SORCS1: variants seen among roughly 807,000 people sequenced by gnomAD.
SORCS1 encodes sortilin related VPS10 domain containing receptor 1.
SORCS1 carries 60 observed loss-of-function variants against 146.1 expected under a neutral mutation model. The ratio of observed to expected loss-of-function variants is 0.41; its 90% confidence interval spans 0.33 to 0.51. SORCS1 has a LOEUF of 0.51. SORCS1 is among the 20% of genes least tolerant of loss of function. The probability of loss-of-function intolerance (pLI) is 0.21; values close to 1 mark genes in which losing one functional copy is unlikely to be tolerated. For synonymous variants in SORCS1, 637 were observed against 584.0 expected, an observed-to-expected ratio of 1.09 and a Z score of -1.31; for missense variants, 1,352 against 1,487.6, an observed-to-expected ratio of 0.91 and a Z score of 1.50.
chr10:106,807,117 C>G (rs1296051510), intron 3 of SORCS1, among the ~76,000 whole-genome samples: 1 of 152,032 alleles, frequency 6.6e-6, no homozygotes, highest in East Asian at 1.9e-4. Flanking sequence ...TTAGCTTGTA[C>G]TGCAGTGTTG....
intron 2 of SORCS1, among the ~76,000 whole-genome samples, chr10:106,835,618 G>A (rs1185242394): frequency 6.6e-6 from 1 of 152,126 alleles, no homozygotes; most frequent in Non-Finnish European, 1.5e-5. Context: ...AGAGTTAATG[G>A]TAAGAACTGG....
chr10:106,765,612 T>C (rs918713441), intron 4 of SORCS1, among the ~76,000 whole-genome samples: 12 of 151,956 alleles, frequency 7.9e-5, no homozygotes, highest in Admixed American at 3.3e-4. Flanking sequence ...CAGGGCAAAA[T>C]AGCCTGGGGG....
chr10:106,710,836 C>A lies in SORCS1; in HGVS notation c.1025-1495G>T, dbSNP rs551495147. Among the ~76,000 whole-genome samples the A allele has an allele frequency of 5.3e-5, 8 of 152,242 alleles. No homozygotes were observed. In the South Asian group the frequency reaches 1.7e-3, roughly 32 times the overall value. On this transcript the variant is annotated intron_variant, in intron 6 of 25. Transcript: ENST00000263054. ...CCCTACTTTATGTTCAGGAAGTTGG[C>A]CAAACTTTCTACCACTTTAAAGACT...
chr10:107,059,403 AC>A (rs1209977154), intron 1 of SORCS1, among the ~76,000 whole-genome samples: 2 of 152,170 alleles, frequency 1.3e-5, no homozygotes, highest in Non-Finnish European at 2.9e-5. Flanking sequence ...CAAGATAAGG[AC>A]CTTGAAACAA....
At chr10:107,168,963 CT>C (rs1366123471), upstream of SORCS1, among the ~76,000 whole-genome samples, 5 of 151,984 alleles carry the variant, frequency 3.3e-5, no homozygotes, top group African/African-American at 1.2e-4. Context: ...CAAGTGTGCA[CT>C]TTTTTTAGGC....
chr10:106,731,296 A>G (rs1252033), intron 5 of SORCS1, among the ~76,000 whole-genome samples: 43,965 of 131,630 alleles, frequency 0.33, 2,940 homozygotes, highest in Admixed American at 0.47. Flanking sequence ...CCGTCTCAAA[A>G]AAAAAAAAAA....
intron 6 of SORCS1, among the ~76,000 whole-genome samples, chr10:106,729,034 C>G (rs139410502): frequency 1.1e-3 from 165 of 152,248 alleles, no homozygotes; most frequent in African/African-American, 3.7e-3. Context: ...CCTAGCGGTA[C>G]CCCTGCAAAT....
chr10:106,629,267 C>A lies in SORCS1; in HGVS notation c.2597G>T (p.Arg866Leu), dbSNP rs767926672. 1.2e-6 allele frequency: 2 copies of A among 1,614,052 alleles called. No individual in the cohort carries two copies. Among genetic ancestry groups the A allele is most frequent in the African/African-American group, 1.3e-5 (1 of 75,054 alleles). ...ACTGTTGTCCACCTGCACGGTCACA[C>A]GGAAAATGCCCACGTTCTGATAGAC... ...KHVYQNVGIF[R>L]VTVQVDNSLG... is the part of the protein sequence containing the mutation. Residue 866 changes from arginine (R) to leucine (L), a missense_variant, in exon 19 of 26, where the codon CGT (arginine) becomes CTT (leucine). Physicochemically the swap from Arg to Leu is moderately radical, Grantham distance 102. This residue lies in a region of SORCS1 where 648 missense variants were observed against 793.8 expected (regional missense o/e 0.82). Transcript: ENST00000263054.
intron 3 of SORCS1, among the ~76,000 whole-genome samples, chr10:106,784,046 C>T: frequency 6.6e-6 from 1 of 152,102 alleles, no homozygotes; most frequent in East Asian, 1.9e-4. Flanking sequence ...TATGAGGTGA[C>T]AGTGCAGAAT....
At chr10:106,782,310 G>T (rs1251939) in intron 3 of SORCS1, among the ~76,000 whole-genome samples, 2 of 151,900 alleles carry the variant, frequency 1.3e-5, no homozygotes, top group Non-Finnish European at 2.9e-5. Flanking sequence ...CTGTCGCCCC[G>T]GCTGGAGTGC....
chr10:107,152,322 G>T (rs1295596432), intron 1 of SORCS1, among the ~76,000 whole-genome samples: 1 of 152,204 alleles, frequency 6.6e-6, no homozygotes, highest in African/African-American at 2.4e-5. Context: ...AGAGGAGAAG[G>T]GAAATGTGGG....
intron 1 of SORCS1, among the ~76,000 whole-genome samples, chr10:106,988,854 T>C (rs930294237): frequency 2.6e-5 from 4 of 152,164 alleles, no homozygotes; most frequent in Non-Finnish European, 5.9e-5. Flanking sequence ...AACTATAGTA[T>C]ACTAAGCAAA....
At chr10:106,911,562 C>T (rs982889106) in intron 2 of SORCS1, among the ~76,000 whole-genome samples, 1 of 152,108 alleles carries the variant, frequency 6.6e-6, no homozygotes, top group Non-Finnish European at 1.5e-5. Flanking sequence ...GCAGCGTAGT[C>T]CCCACAGGCG....
chr10:106,867,300 T>G (rs952741115), intron 2 of SORCS1, among the ~76,000 whole-genome samples: 16 of 152,106 alleles, frequency 1.1e-4, no homozygotes, highest in South Asian at 8.3e-4. Context: ...TTTTTTTTTT[T>G]TTGAAACGGA....
intron 8 of SORCS1, 136 bp downstream of exon 8, chr10:106,706,409 A>G (rs1854533447): frequency 5.0e-6 from 4 of 805,894 alleles, no homozygotes; most frequent in African/African-American, 1.7e-5. Context: ...AGGCAGAGCA[A>G]ACTTGGGAAA....
chr10:106,801,838 C>A (rs184252238), intron 3 of SORCS1, among the ~76,000 whole-genome samples: 1 of 151,928 alleles, frequency 6.6e-6, no homozygotes, highest in East Asian at 1.9e-4. Context: ...CTAGTATAGA[C>A]GACAGTTTAC....
chr10:106,800,590 C>T (rs12255383), intron 3 of SORCS1, among the ~76,000 whole-genome samples: 4,220 of 144,490 alleles, frequency 0.029, 72 homozygotes, highest in East Asian at 0.054. Context: ...GGCGCGATCT[C>T]GGCTCACTGC....
chr10:106,628,529 C>T (rs1848239196), intron 19 of SORCS1, among the ~76,000 whole-genome samples: 1 of 152,234 alleles, frequency 6.6e-6, no homozygotes, highest in Non-Finnish European at 1.5e-5. Context: ...TTTAAGCACA[C>T]ATAACTTAGA....
At chr10:106,674,206 G>A (rs956539599) in intron 14 of SORCS1, among the ~76,000 whole-genome samples, 1 of 150,098 alleles carries the variant, frequency 6.7e-6, no homozygotes, top group East Asian at 2.0e-4. Flanking sequence ...GCAGGCACCT[G>A]TAGTCCTAGC....
Sources: allele counts gnomAD v4.1 joint callset (sites outside exome capture counted in the v4.1 genomes callset), GRCh38; gene constraint gnomAD v4.1.1; regional missense constraint gnomAD v4.1.1; transcripts MANE v1.5; gene names NCBI Gene and HGNC (gene_info 2026-07-23, HGNC 2026-07-21).